The following SLC14A2 variants were observed in gnomAD, a reference collection of about 807,000 sequenced individuals.
The protein encoded by SLC14A2 is solute carrier family 14 member 2, also known as urea transporter 2.
In SLC14A2, 91 loss-of-function variants were observed where a neutral mutation model predicts 104.6. The ratio of observed to expected loss-of-function variants is 0.87; its 90% CI spans 0.73 to 1.04. SLC14A2 has a LOEUF of 1.04. SLC14A2 is among the 50% of genes least tolerant of loss of function. The probability of loss-of-function intolerance (pLI) is 0.00; values close to 1 mark genes in which losing one functional copy is unlikely to be tolerated. For missense variants in SLC14A2, 1,189 were observed against 1,156.0 expected (o/e 1.03, Z -0.41); for synonymous variants, 476 against 466.4 (o/e 1.02, Z -0.27).
At chr18:45,206,029 G>A in the SLC14A2 span, among the ~76,000 whole-genome samples, 1 of 152,220 alleles carries the variant, frequency 6.6e-6, no homozygotes. Flanking sequence ...GATTTGAAGA[G>A]GCCGGTGGAG....
At chr18:45,470,153 A>G (rs2087220800) in intron 1 of SLC14A2, among the ~76,000 whole-genome samples, 1 of 152,140 alleles carries the variant, frequency 6.6e-6, no homozygotes, top group Non-Finnish European at 1.5e-5. Context: ...TGGTGCATAA[A>G]TATTTATAAT....
intron 1 of SLC14A2, among the ~76,000 whole-genome samples, chr18:45,284,836 G>A (rs2084797691): frequency 6.6e-6 from 1 of 152,122 alleles, no homozygotes; most frequent in South Asian, 2.1e-4. Flanking sequence ...AATGCAAATG[G>A]GAATGATGAG....
chr18:45,264,135 TTCTG>T (rs1471860556), intron 1 of SLC14A2, among the ~76,000 whole-genome samples: 3 of 152,024 alleles, frequency 2.0e-5, no homozygotes, highest in African/African-American at 4.8e-5. Flanking sequence ...TCCATCTATC[TTCTG>T]TCTAACTATC....
At chr18:45,498,886 A>G (rs1011371719) in intron 2 of SLC14A2, among the ~76,000 whole-genome samples, 29 of 152,202 alleles carry the variant, frequency 1.9e-4, no homozygotes, top group Non-Finnish European at 3.5e-4. Flanking sequence ...TAACACCCAC[A>G]GTCAGCTTTC....
At chr18:45,656,778 G>A (rs1417534218) in intron 10 of SLC14A2, among the ~76,000 whole-genome samples, 1 of 152,160 alleles carries the variant, frequency 6.6e-6, no homozygotes, top group African/African-American at 2.4e-5. Flanking sequence ...TCTTCCCCAT[G>A]GAATAAGCCA....
chr18:45,648,599 C>T (rs1447694703), intron 10 of SLC14A2, among the ~76,000 whole-genome samples: 6 of 152,004 alleles, frequency 3.9e-5, no homozygotes, highest in African/African-American at 1.4e-4. Flanking sequence ...TTGTTTTAAC[C>T]TTCATCATTT....
At chr18:45,623,747 G>A (rs182476917) in intron 1 of SLC14A2, among the ~76,000 whole-genome samples, 3 of 152,248 alleles carry the variant, frequency 2.0e-5, no homozygotes, top group African/African-American at 7.2e-5. Context: ...TAAGAGAGAC[G>A]GTCCTACACT....
intron 1 of SLC14A2, among the ~76,000 whole-genome samples, chr18:45,462,731 C>T (rs1044226873): frequency 1.2e-4 from 19 of 152,192 alleles, no homozygotes; most frequent in Non-Finnish European, 2.5e-4. Flanking sequence ...CCCAGTTCTA[C>T]AGTTACAATC....
chr18:45,189,279 C>A, the SLC14A2 span, among the ~76,000 whole-genome samples: 5 of 152,076 alleles, frequency 3.3e-5, no homozygotes, highest in Admixed American at 1.3e-4. Context: ...ACCCTGAGAG[C>A]AAAATTTTCT....
At chr18:45,522,864 C>T (rs1217655535) in intron 2 of SLC14A2, among the ~76,000 whole-genome samples, 1 of 152,146 alleles carries the variant, frequency 6.6e-6, no homozygotes, top group Non-Finnish European at 1.5e-5. Context: ...TTGCCTTGGG[C>T]AATAGAAGTC....
chr18:45,663,640 G>A (rs1167171797), intron 10 of SLC14A2, 145 bp from the exon 11 acceptor site: 1 of 819,432 alleles, frequency 1.2e-6, no homozygotes, highest in African/African-American at 1.7e-5. Flanking sequence ...GTTTTATGCA[G>A]AGACTGATGC....
At chr18:45,499,643 A>G (rs1398021964) in intron 2 of SLC14A2, among the ~76,000 whole-genome samples, 1 of 152,254 alleles carries the variant, frequency 6.6e-6, no homozygotes, top group African/African-American at 2.4e-5. Context: ...AGAAATGATC[A>G]CTGTCAAAAT....
chr18:45,439,679 C>T (rs78398386), intron 1 of SLC14A2, among the ~76,000 whole-genome samples: 1,791 of 152,168 alleles, frequency 0.012, 19 homozygotes, highest in Non-Finnish European at 0.014. Flanking sequence ...AGGAAAAACA[C>T]GAAAAAGAGT....
intron 6 of SLC14A2, among the ~76,000 whole-genome samples, chr18:45,639,109 A>G (rs2045473022): frequency 6.6e-6 from 1 of 152,184 alleles, no homozygotes; most frequent in South Asian, 2.1e-4. Context: ...CTACAATGCT[A>G]TGCGGTCTTC....
intron 1 of SLC14A2, among the ~76,000 whole-genome samples, chr18:45,281,108 G>A (rs562439507): frequency 2.4e-4 from 36 of 152,246 alleles, no homozygotes; most frequent in Admixed American, 1.8e-3. Flanking sequence ...CTCCCTGCTC[G>A]GAGAGCATCA....
intron 1 of SLC14A2, among the ~76,000 whole-genome samples, chr18:45,335,392 T>C (rs1281577526): frequency 1.3e-5 from 2 of 152,368 alleles, no homozygotes; most frequent in East Asian, 1.9e-4. Flanking sequence ...TAGATGCTTT[T>C]TTGAGGACAT....
intron 1 of SLC14A2, among the ~76,000 whole-genome samples, chr18:45,440,805 G>C (rs751078899): frequency 1.3e-5 from 2 of 152,100 alleles, no homozygotes; most frequent in Non-Finnish European, 1.5e-5. Flanking sequence ...AAAGGGAAAC[G>C]GCTGTTGCTA....
intron 1 of SLC14A2, among the ~76,000 whole-genome samples, chr18:45,246,409 C>T (rs1456248796): frequency 6.6e-6 from 1 of 151,984 alleles, no homozygotes; most frequent in Non-Finnish European, 1.5e-5. Context: ...GTAGCATAGT[C>T]CTAGGTAATA....
intron 2 of SLC14A2, among the ~76,000 whole-genome samples, chr18:45,596,916 C>T (rs1191693513): frequency 6.6e-6 from 1 of 152,228 alleles, no homozygotes; most frequent in African/African-American, 2.4e-5. Flanking sequence ...CCACCTACCT[C>T]CTCTACCATT....
Sources: allele counts gnomAD v4.1 joint callset (sites outside exome capture counted in the v4.1 genomes callset), GRCh38; gene constraint gnomAD v4.1.1; transcripts MANE v1.5; gene names NCBI Gene and HGNC (gene_info 2026-07-23, HGNC 2026-07-21).